The following HUWE1 variants were observed in gnomAD, a reference collection of about 807,000 sequenced individuals.
HUWE1 encodes E3 ubiquitin-protein ligase HUWE1.
A neutral mutation model predicts 299.4 loss-of-function variants in HUWE1; 18 were observed. The ratio of observed to expected loss-of-function variants is 0.06; its 90% confidence interval spans 0.04 to 0.09. The LOEUF (loss-of-function observed/expected upper bound fraction) is 0.09, where lower values mean the gene tolerates loss of function less well. Ranked by LOEUF, HUWE1 falls within the 10% of genes least tolerant of loss-of-function variation. The pLI, the probability that HUWE1 is intolerant of heterozygous loss-of-function variation, is 1.00. For missense variants in HUWE1, 1,832 were observed against 3,462.3 expected (o/e 0.53, Z 11.82); for synonymous variants, 1,317 against 1,286.1 (o/e 1.02, Z -0.51).
At chrX:53,608,788 G>C in intron 24 of HUWE1, 64 bp downstream of exon 24, 1 of 700,326 alleles carries the variant, frequency 1.4e-6, no homozygotes, top group Non-Finnish European at 2.3e-6. Context: ...CTCTGATAAC[G>C]AAACACATTT....
chrX:53,651,869 A>C (rs2068496290), intron 4 of HUWE1, among the ~76,000 whole-genome samples: 1 of 111,633 alleles, frequency 9.0e-6, no homozygotes, highest in Non-Finnish European at 1.9e-5. Context: ...TAGATGCCTC[A>C]TATAAGAGGA....
intron 31 of HUWE1, among the ~76,000 whole-genome samples, chrX:53,594,249 GA>G (rs2064330743): frequency 8.9e-6 from 1 of 111,996 alleles, no homozygotes; most frequent in Non-Finnish European, 1.9e-5. Context: ...CCCATACTTG[GA>G]ACTGGAAGCC....
chrX:53,673,192 T>G (rs139640943), intron 3 of HUWE1, among the ~76,000 whole-genome samples: 1,431 of 111,831 alleles, frequency 0.013, 13 homozygotes, highest in Non-Finnish European at 0.019. Flanking sequence ...CATTCATAAT[T>G]TATACCATTC....
chrX:53,584,508 A>G (rs2063767085), intron 40 of HUWE1, among the ~76,000 whole-genome samples, 163 bp from the exon 41 acceptor site: 3 of 111,606 alleles, frequency 2.7e-5, no homozygotes, highest in Admixed American at 1.9e-4. Context: ...AGTCCCCAGA[A>G]GGCAAGTGGC....
At chrX:53,671,838 C>T (rs1557049492) in intron 3 of HUWE1, among the ~76,000 whole-genome samples, 2 of 88,657 alleles carry the variant, frequency 2.3e-5, no homozygotes, top group African/African-American at 4.1e-5. Context: ...TACATAATGA[C>T]AGAGACATGG....
At chrX:53,602,704 TACTGATA>T (rs2064932153) in intron 27 of HUWE1, 46 bp from the exon 28 acceptor site, 4 of 605,026 alleles carry the variant, frequency 6.6e-6, no homozygotes, top group South Asian at 3.4e-5. Context: ...TATATATATA[TACTGATA>T]ATTCACCTCT....
chrX:53,657,820 C>T (rs960208074), intron 3 of HUWE1, among the ~76,000 whole-genome samples: 16 of 110,118 alleles, frequency 1.5e-4, no homozygotes, highest in Non-Finnish European at 2.5e-4. Flanking sequence ...GAGGCTGAGG[C>T]GGGCGGATCA....
Position 53,536,162 on chromosome X carries a change from G to A in HUWE1, c.12516C>T (p.Leu4172=), listed in dbSNP as rs1556912772. The A allele has an allele frequency of 1.0e-5, 12 of 1,191,844 alleles. No homozygotes were observed. The highest frequency in any genetic ancestry group is 1.4e-5 in the Non-Finnish European group (12 of 877,600). Reference sequence around the variant, plus strand: ...CCTGACCTACCTCAGTGCTGAAGGTGAGGTCATAGCCTAGTGTGGAGACAT... The same window carrying A: ...CCTGACCTACCTCAGTGCTGAAGGTAAGGTCATAGCCTAGTGTGGAGACAT... ...ENDVSTLGYD[L]TFSTEVQEFG... is the part of the protein sequence containing the mutation. The change falls in exon 80 of 84, where the codon CTC becomes CTT. Residue 4172 remains leucine, a synonymous_variant. Coordinates refer to ENST00000262854, the MANE Select transcript of HUWE1 (RefSeq NM_031407.7).
Position 53,577,210 on chromosome X carries a change from C to T in HUWE1, c.5717-143G>A. On this transcript the variant is annotated intron_variant, in intron 43 of 83. Coordinates refer to ENST00000262854, the MANE Select transcript of HUWE1 (RefSeq NM_031407.7). ...TTTCAATTAATGTTCAAGTACTCTACTATAAAACCTGGTTTATACTTTCCT... is the reference window on the plus strand; with the variant it reads ...TTTCAATTAATGTTCAAGTACTCTATTATAAAACCTGGTTTATACTTTCCT... 8.0e-6 allele frequency: 4 copies of T among 500,197 alleles called. No individual in the cohort carries two copies. In the South Asian group the frequency reaches 1.1e-4, roughly 14 times the overall value. The allele number at this position is 500,197 out of a possible 1,213,427, so 41.2% of individuals were successfully genotyped here. A position where few individuals can be genotyped will look rare whatever the true frequency, so the allele number is the denominator to read the frequency against.
chrX:53,590,543 CAAAG>C (rs1569476336), intron 34 of HUWE1, 44 bp from the exon 35 acceptor site: 1 of 963,228 alleles, frequency 1.0e-6, no homozygotes, highest in Non-Finnish European at 1.5e-6. Context: ...ACACTCAAAA[CAAAG>C]AAACCCAACA....
At chrX:53,577,454 T>C (rs1354295277) in intron 43 of HUWE1, among the ~76,000 whole-genome samples, 1 of 94,654 alleles carries the variant, frequency 1.1e-5, no homozygotes, top group Non-Finnish European at 2.1e-5. Flanking sequence ...CCCAACGTTT[T>C]ATTAAAAAAA....
At chrX:53,577,340 C>G (rs1556959785) in intron 43 of HUWE1, among the ~76,000 whole-genome samples, 1 of 109,279 alleles carries the variant, frequency 9.2e-6, no homozygotes. Flanking sequence ...TCAATTTTCT[C>G]ACTCTCCAAA....
intron 7 of HUWE1, among the ~76,000 whole-genome samples, chrX:53,642,121 A>G (rs1428004225): frequency 9.0e-6 from 1 of 111,688 alleles, no homozygotes; most frequent in Non-Finnish European, 1.9e-5. Flanking sequence ...ATCTTATTGT[A>G]TTATACTGCA....
chrX:53,572,555 G>A (rs1418361650), intron 47 of HUWE1, among the ~76,000 whole-genome samples: 1 of 111,286 alleles, frequency 9.0e-6, no homozygotes, highest in Admixed American at 9.6e-5. Flanking sequence ...ACAAAACAAG[G>A]CACCCTTACG....
intron 2 of HUWE1, among the ~76,000 whole-genome samples, chrX:53,684,771 A>AT (rs1271894461): frequency 8.9e-6 from 1 of 111,988 alleles, no homozygotes; most frequent in Non-Finnish European, 1.9e-5. Flanking sequence ...AGGGAAAAAA[A>AT]TTTTTAAACC....
chrX:53,536,293 G>C (rs1333526226), intron 79 of HUWE1, 41 bp from the exon 80 acceptor site: 1 of 1,151,005 alleles, frequency 8.7e-7, no homozygotes, highest in African/African-American at 1.8e-5. Flanking sequence ...TTTGCGAGTG[G>C]GGGGGAAGAA....
chrX:53,535,676 G>C (rs2061009613), intron 80 of HUWE1, among the ~76,000 whole-genome samples, 175 bp from the exon 81 acceptor site: 1 of 111,882 alleles, frequency 8.9e-6, no homozygotes, highest in Non-Finnish European at 1.9e-5. Context: ...TATAGGGAAA[G>C]GCTTTGGGTA....
intron 3 of HUWE1, among the ~76,000 whole-genome samples, chrX:53,667,345 C>A (rs1557047957): frequency 8.9e-6 from 1 of 111,907 alleles, no homozygotes; most frequent in East Asian, 2.8e-4. Flanking sequence ...GGGATTATAT[C>A]CCAGTAAACC....
intron 3 of HUWE1, among the ~76,000 whole-genome samples, chrX:53,655,478 A>G (rs186436768): frequency 1.8e-5 from 2 of 112,198 alleles, no homozygotes; most frequent in East Asian, 2.8e-4. Context: ...TCTATGGTTG[A>G]TATTTAGGGT....
Sources: gnomAD v4.1 joint callset for allele counts (sites outside exome capture counted in the v4.1 genomes callset) on GRCh38, gnomAD v4.1.1 for gene constraint, MANE v1.5 for transcripts, NCBI Gene and HGNC (gene_info 2026-07-23, HGNC 2026-07-21) for gene names.